DCAF8L2: variants seen among roughly 807,000 people sequenced by gnomAD.
DCAF8L2 encodes the protein DDB1- and CUL4-associated factor 8-like protein 2.
For missense variants in DCAF8L2, 430 were observed against 490.7 expected, an observed-to-expected ratio of 0.88 and a Z score of 1.17; for synonymous variants, 200 against 190.9, an observed-to-expected ratio of 1.05 and a Z score of -0.39.
At chrX:27,660,738 C>T (rs971341207) in intron 2 of DCAF8L2, among the ~76,000 whole-genome samples, 2 of 111,764 alleles carry the variant, frequency 1.8e-5, no homozygotes, top group Admixed American at 9.5e-5. Flanking sequence ...TGGACTGGGC[C>T]GGGTCAATGT....
the DCAF8L2 span, among the ~76,000 whole-genome samples, chrX:27,531,528 A>C: frequency 9.0e-6 from 1 of 110,892 alleles, no homozygotes; most frequent in African/African-American, 3.3e-5. Context: ...ACCAACAATA[A>C]AAATTGGAAA....
At chrX:27,622,012 A>C (rs1048133212) in intron 1 of DCAF8L2, among the ~76,000 whole-genome samples, 4 of 110,054 alleles carry the variant, frequency 3.6e-5, no homozygotes, top group African/African-American at 6.7e-5. Context: ...ACAACAAAAA[A>C]AAAAGATGTT....
At chrX:27,488,729 T>G in the DCAF8L2 span, among the ~76,000 whole-genome samples, 3 of 111,495 alleles carry the variant, frequency 2.7e-5, no homozygotes, top group African/African-American at 6.5e-5. Flanking sequence ...TGATTACAGC[T>G]CACTGCAGCC....
At chrX:27,517,928 A>G in the DCAF8L2 span, 1 of 1,194,191 alleles carries the variant, frequency 8.4e-7, no homozygotes, top group African/African-American at 1.8e-5. Flanking sequence ...TGGTGAAAAC[A>G]GTTGGTTTGC....
At chrX:27,682,137 T>C (rs1449431501) in intron 3 of DCAF8L2, among the ~76,000 whole-genome samples, 2 of 110,708 alleles carry the variant, frequency 1.8e-5, no homozygotes, top group African/African-American at 6.6e-5. Flanking sequence ...CTAATTTATT[T>C]CGTTTTTTGT....
the DCAF8L2 span, among the ~76,000 whole-genome samples, chrX:27,475,292 C>G: frequency 8.9e-6 from 1 of 111,903 alleles, no homozygotes; most frequent in African/African-American, 3.2e-5. Context: ...TTAAGTTTCC[C>G]AAATCACATA....
chrX:27,644,922 T>C (rs1329101797), intron 2 of DCAF8L2, among the ~76,000 whole-genome samples: 1 of 111,665 alleles, frequency 9.0e-6, no homozygotes, highest in Non-Finnish European at 1.9e-5. Flanking sequence ...GCCCAACTAA[T>C]TTTTGTATTG....
intron 4 of DCAF8L2, among the ~76,000 whole-genome samples, chrX:27,723,664 T>C (rs774020975): frequency 9.0e-6 from 1 of 111,106 alleles, no homozygotes; most frequent in Non-Finnish European, 1.9e-5. Flanking sequence ...CTGCCATTAT[T>C]TACCAAAATA....
chrX:27,590,724 G>T (rs745371101), intron 1 of DCAF8L2, among the ~76,000 whole-genome samples: 22 of 110,129 alleles, frequency 2.0e-4, no homozygotes, highest in Admixed American at 2.0e-3. Flanking sequence ...ACATTGATAT[G>T]AAAATATTCC....
chrX:27,710,451 T>C (rs1182417781), intron 3 of DCAF8L2, among the ~76,000 whole-genome samples: 1 of 111,910 alleles, frequency 8.9e-6, no homozygotes, highest in Non-Finnish European at 1.9e-5. Flanking sequence ...TATTTAAATA[T>C]TCTCTAATCT....
chrX:27,505,389 T>C, the DCAF8L2 span, among the ~76,000 whole-genome samples: 1 of 112,322 alleles, frequency 8.9e-6, no homozygotes, highest in African/African-American at 3.2e-5. Context: ...CTTTCACTTT[T>C]TCATTGCAAT....
At chrX:27,482,371 T>G in the DCAF8L2 span, among the ~76,000 whole-genome samples, 1 of 111,549 alleles carries the variant, frequency 9.0e-6, no homozygotes, top group Non-Finnish European at 1.9e-5. Flanking sequence ...GCTCAGAAAA[T>G]ATGACCTCCA....
the DCAF8L2 span, among the ~76,000 whole-genome samples, chrX:27,496,016 A>T: frequency 9.0e-6 from 1 of 111,335 alleles, no homozygotes; most frequent in Admixed American, 9.6e-5. Flanking sequence ...GAGTATTGAT[A>T]TGTATGCCAT....
At chrX:27,535,241 G>T in the DCAF8L2 span, among the ~76,000 whole-genome samples, 37 of 110,624 alleles carry the variant, frequency 3.3e-4, no homozygotes, top group African/African-American at 1.2e-3. Context: ...GCTTTCTATT[G>T]GAAAAAGTAG....
At chrX:27,539,459 A>G in the DCAF8L2 span, among the ~76,000 whole-genome samples, 1 of 111,610 alleles carries the variant, frequency 9.0e-6, no homozygotes, top group African/African-American at 3.3e-5. Flanking sequence ...CAATCAATGG[A>G]CTAATAGTAT....
At chrX:27,659,902 G>T (rs1246286222) in intron 2 of DCAF8L2, among the ~76,000 whole-genome samples, 2 of 110,975 alleles carry the variant, frequency 1.8e-5, no homozygotes, top group African/African-American at 6.6e-5. Flanking sequence ...CATAACGTTG[G>T]ATTTCTTTTC....
At chrX:27,575,304 G>GCCACCTGTGTGTCTGC in the DCAF8L2 span, among the ~76,000 whole-genome samples, 5 of 111,415 alleles carry the variant, frequency 4.5e-5, no homozygotes, top group African/African-American at 1.6e-4. Flanking sequence ...TCGATGTCTG[G>GCCACCTGTGTGTCTGC]CCACCTGTGT....
the DCAF8L2 span, among the ~76,000 whole-genome samples, chrX:27,545,976 C>T: frequency 8.9e-6 from 1 of 111,821 alleles, no homozygotes; most frequent in Non-Finnish European, 1.9e-5. Flanking sequence ...CTCAACAGTC[C>T]CTTAAATTCT....
chrX:27,683,386 A>G (rs764171014), intron 3 of DCAF8L2, among the ~76,000 whole-genome samples: 2 of 112,110 alleles, frequency 1.8e-5, no homozygotes, highest in Non-Finnish European at 3.8e-5. Context: ...TTTGCTCACC[A>G]TAACTTTAGT....
Sources: allele counts gnomAD v4.1 joint callset (sites outside exome capture counted in the v4.1 genomes callset), GRCh38; gene constraint gnomAD v4.1.1; transcripts MANE v1.5; gene names NCBI Gene and HGNC (gene_info 2026-07-23, HGNC 2026-07-21).